Variants in CASZ1 observed in about 807,000 individuals in gnomAD.
CASZ1 encodes zinc finger protein castor homolog 1.
Under a neutral mutation model 135.2 loss-of-function variants are expected in CASZ1, and 28 were observed. The ratio of observed to expected loss-of-function variants is 0.21; its 90% CI spans 0.15 to 0.28. CASZ1 has a LOEUF of 0.28. CASZ1 is among the 10% of genes least tolerant of loss of function. The pLI, the probability that CASZ1 is intolerant of heterozygous loss-of-function variation, is 1.00. For missense variants in CASZ1, 2,161 were observed against 2,453.3 expected, an observed-to-expected ratio of 0.88 and a Z score of 2.52; for synonymous variants, 1,068 against 1,073.4, an observed-to-expected ratio of 0.99 and a Z score of 0.10.
Position 10,647,860 on chromosome 1 carries a change from C to T in CASZ1, c.3438G>A (p.Thr1146=), listed in dbSNP as rs183960051. Residue 1146 remains threonine, a synonymous_variant, in exon 16 of 21, where the codon ACG becomes ACA. Coordinates refer to ENST00000377022, the MANE Select transcript of CASZ1 (RefSeq NM_001079843.3). This position sits in a 1 kb window ranked among gnomAD's most constrained non-coding sequence, Gnocchi z 4.9. ...VPHLPASPLA[T]TSLENAKPQV... is the part of the protein sequence containing the mutation. The stretch of plus-strand genomic sequence containing the variant: ...GGGGCTTGGCGTTCTCTAGAGAAGT[C>T]GTTGCCAAGGGCGAGGCGGGCAGGT... The T allele has an allele frequency of 7.2e-5, 117 of 1,613,906 alleles. No individual in the cohort carries two copies. The highest frequency in any genetic ancestry group is 7.1e-4 in the African/African-American group (53 of 75,038).
chr1:10,693,434 C>T (rs1638828115), intron 4 of CASZ1, among the ~76,000 whole-genome samples: 1 of 149,986 alleles, frequency 6.7e-6, no homozygotes, highest in Admixed American at 6.6e-5. Flanking sequence ...ACTAAACCAC[C>T]CCCCACTAAA....
chr1:10,704,439 G>A (rs1428694044), intron 3 of CASZ1: 1 of 152,240 alleles, frequency 6.6e-6, no homozygotes, highest in African/African-American at 2.4e-5. Flanking sequence ...GCCCTACACC[G>A]GGCCGCCTCT....
At chr1:10,692,130 G>A (rs1247472515) in intron 4 of CASZ1, among the ~76,000 whole-genome samples, 2 of 152,210 alleles carry the variant, frequency 1.3e-5, no homozygotes, top group Non-Finnish European at 2.9e-5. Context: ...GGAGGCCCTC[G>A]CTCCAGTCAG....
intron 2 of CASZ1, among the ~76,000 whole-genome samples, chr1:10,732,170 T>TA (rs1388495543): frequency 5.3e-5 from 8 of 151,442 alleles, no homozygotes; most frequent in Admixed American, 3.9e-4. Context: ...ACTAAAAATA[T>TA]AAAAATTAGC....
At chr1:10,658,632 C>T in intron 6 of CASZ1, 56 bp from the exon 7 acceptor site, 3 of 1,505,432 alleles carry the variant, frequency 2.0e-6, no homozygotes, top group Non-Finnish European at 2.8e-6. Context: ...CCTCGTGTTA[C>T]AGGGGCATCT....
chr1:10,779,278 AATTT>A (rs1026570071), intron 1 of CASZ1, among the ~76,000 whole-genome samples: 7 of 117,092 alleles, frequency 6.0e-5, no homozygotes, highest in Non-Finnish European at 1.1e-4. Flanking sequence ...ATAATTTTAT[AATTT>A]TTTTTTTTTT....
chr1:10,649,258 G>T, intron 14 of CASZ1, 25 bp downstream of exon 14: 1 of 1,604,568 alleles, frequency 6.2e-7, no homozygotes, highest in South Asian at 1.1e-5. Flanking sequence ...GGGACGATGG[G>T]TGGACGCGGC....
chr1:10,748,848 G>T (rs1640096049), intron 2 of CASZ1, among the ~76,000 whole-genome samples: 1 of 152,262 alleles, frequency 6.6e-6, no homozygotes, highest in African/African-American at 2.4e-5. Context: ...GCCAGAGCAA[G>T]CATGGAGGTC....
intron 4 of CASZ1, among the ~76,000 whole-genome samples, chr1:10,690,635 T>C (rs1638735495): frequency 6.6e-6 from 1 of 152,068 alleles, no homozygotes; most frequent in Non-Finnish European, 1.5e-5. Flanking sequence ...ACGACAAGGC[T>C]GCAGCCACAG....
At chr1:10,663,056 A>T (rs1643101649) in intron 5 of CASZ1, among the ~76,000 whole-genome samples, 1 of 152,182 alleles carries the variant, frequency 6.6e-6, no homozygotes, top group Admixed American at 6.5e-5. Context: ...CACCCGCGAG[A>T]CTGAGACCTG....
At position 10,767,362 on chromosome 1, in the gene CASZ1, C is replaced by T. The variant is rs781310054; in HGVS notation, c.-233-6505G>A. 7.9e-5 allele frequency among the ~76,000 whole-genome samples: 12 copies of T among 152,242 alleles called. No individual in the cohort carries two copies. Among genetic ancestry groups the T allele is most frequent in the Non-Finnish European group, 1.6e-4 (11 of 68,032 alleles). On this transcript the variant is annotated intron_variant, in intron 1 of 20. Coordinates refer to ENST00000377022, the MANE Select transcript of CASZ1 (RefSeq NM_001079843.3). The surrounding 1 kb of genome is among the most constrained non-coding windows in gnomAD (Gnocchi z 4.2). ...TCTCCCAGCAATGGAGGCCCAAAGC[C>T]TGGGACGGGTCCTATTTCCAGGTCA...
Position 10,656,105 on chromosome 1 carries a change from G to T in CASZ1, c.1501-292C>A, listed in dbSNP as rs139335372. On this transcript the variant is annotated intron_variant, in intron 8 of 20. Transcript: ENST00000377022. Reference sequence around the variant, plus strand: ...ATTGGGCCAGGCCTTGAGGGCAGGGGCTCTGATGCTGACAGCTCATCCCGC... The same window carrying T: ...ATTGGGCCAGGCCTTGAGGGCAGGGTCTCTGATGCTGACAGCTCATCCCGC... Among the ~76,000 whole-genome samples, 612 of 152,332 alleles carry T rather than the reference G, an allele frequency of 4.0e-3. 7 individuals are homozygous for T. The highest frequency in any genetic ancestry group is 0.014 in the African/African-American group (587 of 41,574).
rs754633430 is a variant in CASZ1, at chr1:10,650,746, T to A, written c.2826A>T (p.Ser942=). The A allele has an allele frequency of 1.2e-6, 2 of 1,614,158 alleles. No homozygotes were observed. Among genetic ancestry groups the A allele is most frequent in the Non-Finnish European group, 1.7e-6 (2 of 1,179,952 alleles). Residue 942 remains serine (S), a synonymous_variant, in exon 13 of 21, where the codon TCA becomes TCT. Coordinates refer to ENST00000377022, the MANE Select transcript of CASZ1 (RefSeq NM_001079843.3). ...DLTVKEPSNE[S]NGHAVPANSS... ...AATTTGCCGGGACTGCGTGGCCATT[T>A]GATTCGTTGCTAGAACACACAAACC...
chr1:10,708,897 C>T (rs1639227222), intron 2 of CASZ1, among the ~76,000 whole-genome samples: 1 of 146,146 alleles, frequency 6.8e-6, no homozygotes, highest in Admixed American at 6.9e-5. Flanking sequence ...GCTGGGAGGA[C>T]CAGAGGCTCC....
At chr1:10,658,816 C>T (rs1028293168) in intron 6 of CASZ1, among the ~76,000 whole-genome samples, 6 of 152,340 alleles carry the variant, frequency 3.9e-5, no homozygotes, top group African/African-American at 7.2e-5. Context: ...CCCTTGGGCA[C>T]GGGCTGGCAA....
At chr1:10,698,689 T>C (rs1031537288) in intron 3 of CASZ1, among the ~76,000 whole-genome samples, 9 of 151,946 alleles carry the variant, frequency 5.9e-5, no homozygotes, top group Non-Finnish European at 1.2e-4. Flanking sequence ...CCAAGGAGGG[T>C]CCCTGGCAGG....
At chr1:10,668,162 G>A (rs1355121264) in intron 4 of CASZ1, among the ~76,000 whole-genome samples, 3 of 152,112 alleles carry the variant, frequency 2.0e-5, no homozygotes, top group Admixed American at 6.5e-5. Flanking sequence ...GAGGCTGGGC[G>A]GCGGGAACAG....
intron 2 of CASZ1, among the ~76,000 whole-genome samples, chr1:10,732,114 C>G (rs1178478720): frequency 6.6e-6 from 1 of 151,878 alleles, no homozygotes; most frequent in East Asian, 1.9e-4. Flanking sequence ...CACCTGAAGT[C>G]AGGAGTTCGA....
Position 10,660,134 on chromosome 1 carries a change from T to C in CASZ1, c.908A>G (p.Gln303Arg). Residue 303 changes from glutamine (Q) to arginine (R), a missense_variant, in exon 6 of 21, where the codon CAG (glutamine) becomes CGG (arginine). Gln to Arg is a conservative substitution (Grantham distance 43). Coordinates refer to ENST00000377022, the MANE Select transcript of CASZ1 (RefSeq NM_001079843.3). ...PLPSHSSVQM[Q>R]NLVARASKYD... ...CTTGGAGGCCCGGGCTACCAGGTTC[T>C]GCATCTGGACACTGCTGTGCGACGG... The C allele has an allele frequency of 6.2e-7, 1 of 1,614,156 alleles. No homozygotes were observed. Among genetic ancestry groups the C allele is most frequent in the Non-Finnish European group, 8.5e-7 (1 of 1,180,018 alleles).
Sources: allele counts gnomAD v4.1 joint callset (sites outside exome capture counted in the v4.1 genomes callset), GRCh38; gene constraint gnomAD v4.1.1; non-coding constraint Gnocchi (gnomAD v3.1); transcripts MANE v1.5; gene names NCBI Gene and HGNC (gene_info 2026-07-23, HGNC 2026-07-21).